The following SENP7 variants were observed in gnomAD, a reference collection of about 807,000 sequenced individuals.
The protein encoded by SENP7 is SUMO specific peptidase 7, also known as sentrin-specific protease 7.
In SENP7, 64 loss-of-function variants were observed where a neutral mutation model predicts 141.2. The ratio of observed to expected loss-of-function variants is 0.45; its 90% CI spans 0.37 to 0.56. The LOEUF (loss-of-function observed/expected upper bound fraction) is 0.56, where lower values mean the gene tolerates loss of function less well. SENP7 is among the 20% of genes least tolerant of loss of function. The pLI, the probability that SENP7 is intolerant of heterozygous loss-of-function variation, is 0.00. For missense variants in SENP7, 1,025 were observed against 1,212.2 expected (o/e 0.85, Z 2.29); for synonymous variants, 382 against 426.4 (o/e 0.90, Z 1.28).
At chr3:101,466,475 G>T (rs2063760757) in intron 3 of SENP7, among the ~76,000 whole-genome samples, 1 of 152,094 alleles carries the variant, frequency 6.6e-6, no homozygotes, top group Non-Finnish European at 1.5e-5. Context: ...AAAATAAAAT[G>T]TCAGTCAATA....
chr3:101,489,166 T>C (rs1366237767), intron 3 of SENP7, among the ~76,000 whole-genome samples: 1 of 151,582 alleles, frequency 6.6e-6, no homozygotes, highest in Non-Finnish European at 1.5e-5. Flanking sequence ...CTTAAGGGAG[T>C]ACTAAACATG....
At chr3:101,414,749 A>G (rs374832190) in intron 5 of SENP7, 2 of 534,432 alleles carry the variant, frequency 3.7e-6, no homozygotes, top group Non-Finnish European at 6.6e-6. Flanking sequence ...GATGGCCACA[A>G]GTGTAATGCA....
chr3:101,393,453 A>C (rs1360008597), intron 6 of SENP7, among the ~76,000 whole-genome samples: 1 of 152,224 alleles, frequency 6.6e-6, no homozygotes, highest in African/African-American at 2.4e-5. Flanking sequence ...AGGGATACGT[A>C]CATATCTAAA....
At chr3:101,342,421 T>G (rs1466982260) in intron 14 of SENP7, among the ~76,000 whole-genome samples, 1 of 152,182 alleles carries the variant, frequency 6.6e-6, no homozygotes, top group Non-Finnish European at 1.5e-5. Context: ...ACATAGCATT[T>G]TAAAACTTAC....
At chr3:101,389,566 T>C (rs1048896897) in intron 6 of SENP7, among the ~76,000 whole-genome samples, 32 of 151,778 alleles carry the variant, frequency 2.1e-4, no homozygotes, top group Admixed American at 1.4e-3. Context: ...TTATCCTTCA[T>C]AAATGAGTAA....
At position 101,457,471 on chromosome 3, in the gene SENP7, T is replaced by C. The variant is rs949364115; in HGVS notation, c.284+1484A>G. 2.5e-6 allele frequency: 4 copies of C among 1,608,860 alleles called. No homozygotes were observed. The African/African-American group carries it at 4.0e-5, about 16-fold the overall frequency. On this transcript the variant is annotated intron_variant, in intron 4 of 23. Transcript: ENST00000394095. Reference sequence around the variant, plus strand: ...TCGGCATGGCCTGTAATGGTGAAAGTGTTTGCTGCCAGAGATGCCTGAACT... The same window carrying C: ...TCGGCATGGCCTGTAATGGTGAAAGCGTTTGCTGCCAGAGATGCCTGAACT...
chr3:101,451,356 A>C (rs1559847543), intron 4 of SENP7, among the ~76,000 whole-genome samples: 1 of 152,212 alleles, frequency 6.6e-6, no homozygotes, highest in African/African-American at 2.4e-5. Context: ...ATCCTCCCTA[A>C]CTCATTTTAT....
chr3:101,339,457 T>C (rs1282566836), intron 16 of SENP7, among the ~76,000 whole-genome samples: 3 of 152,172 alleles, frequency 2.0e-5, no homozygotes, highest in African/African-American at 4.8e-5. Context: ...ATATGGATTC[T>C]TAAAATGATA....
chr3:101,462,424 C>T (rs2063577009), intron 3 of SENP7, among the ~76,000 whole-genome samples: 2 of 151,928 alleles, frequency 1.3e-5, no homozygotes, highest in Non-Finnish European at 2.9e-5. Flanking sequence ...GCCTATAATC[C>T]CAGCTACTCG....
chr3:101,367,645 C>T (rs1559726834), intron 8 of SENP7, among the ~76,000 whole-genome samples, 185 bp downstream of exon 8: 2 of 152,008 alleles, frequency 1.3e-5, no homozygotes, highest in African/African-American at 4.8e-5. Context: ...GTTCCAATAA[C>T]TCTGTATCAC....
chr3:101,358,728 G>A (rs1446633974), intron 11 of SENP7: 1 of 157,634 alleles, frequency 6.3e-6, no homozygotes, highest in East Asian at 1.9e-4. Flanking sequence ...TCCGCCTCCT[G>A]GGTTCAAGCC....
chr3:101,467,574 G>A (rs2107942732), intron 3 of SENP7, among the ~76,000 whole-genome samples: 1 of 152,350 alleles, frequency 6.6e-6, no homozygotes, highest in South Asian at 2.1e-4. Flanking sequence ...TGGGCCTGGA[G>A]TGGACCTCCA....
chr3:101,351,800 T>C, intron 11 of SENP7, 149 bp from the exon 12 acceptor site: 1 of 589,498 alleles, frequency 1.7e-6, no homozygotes, highest in Non-Finnish European at 2.5e-6. Context: ...AATATTTCAC[T>C]ACAAAGACTT....
chr3:101,433,875 CAACAAACAAACA>C (rs373406612), intron 4 of SENP7, among the ~76,000 whole-genome samples: 4 of 151,888 alleles, frequency 2.6e-5, no homozygotes, highest in Non-Finnish European at 5.9e-5. Flanking sequence ...GACAGAAAAT[CAACAAACAAACA>C]AACAAACAAA....
At chr3:101,503,273 A>G (rs59812872) in intron 1 of SENP7, among the ~76,000 whole-genome samples, 1 of 151,988 alleles carries the variant, frequency 6.6e-6, no homozygotes, top group Non-Finnish European at 1.5e-5. Flanking sequence ...TATTGGTGAG[A>G]GACTGGAACT....
At chr3:101,349,316 A>T (rs2059553205) in intron 12 of SENP7, among the ~76,000 whole-genome samples, 1 of 152,188 alleles carries the variant, frequency 6.6e-6, no homozygotes, top group East Asian at 1.9e-4. Context: ...CATGAAGCTC[A>T]CAGCCCCATA....
At chr3:101,326,211 A>G in intron 23 of SENP7, 131 bp from the exon 24 acceptor site, 2 of 709,380 alleles carry the variant, frequency 2.8e-6, no homozygotes, top group South Asian at 2.5e-5. Context: ...TATAATTCAC[A>G]TAATACAATT....
intron 6 of SENP7, among the ~76,000 whole-genome samples, chr3:101,393,568 T>C (rs553014558): frequency 8.7e-4 from 132 of 152,294 alleles, no homozygotes; most frequent in South Asian, 4.6e-3. Flanking sequence ...GATATACAAA[T>C]GTCCAATAGA....
Position 101,508,047 on chromosome 3 carries a change from CAAAAA to C in SENP7, c.40+5039_40+5043del, listed in dbSNP as rs61638290. On this transcript the variant is annotated intron_variant, in intron 1 of 23. Coordinates refer to ENST00000394095, the MANE Select transcript of SENP7 (RefSeq NM_020654.5). ...CTGGCGACAGAGCGAGACTCCATCT[CAAAAA>C]AAAAAAAAAAAAAAAAAATTGGATA... 7.8e-5 allele frequency among the ~76,000 whole-genome samples: 7 copies of C among 90,134 alleles called. No homozygotes were observed. The East Asian group carries it at 1.2e-3, about 16-fold the overall frequency. 59.1% of individuals were successfully genotyped at this position (90,134 alleles called of 152,430 possible).
Sources: allele counts gnomAD v4.1 joint callset (sites outside exome capture counted in the v4.1 genomes callset), GRCh38; gene constraint gnomAD v4.1.1; transcripts MANE v1.5; gene names NCBI Gene and HGNC (gene_info 2026-07-23, HGNC 2026-07-21).